The following NRXN2 variants were observed in gnomAD, a reference collection of about 807,000 sequenced individuals.
The protein encoded by NRXN2 is neurexin 2.
Under a neutral mutation model 128.8 loss-of-function variants are expected in NRXN2, and 29 were observed. The ratio of observed to expected loss-of-function variants is 0.23; its 90% CI spans 0.17 to 0.31. The LOEUF (loss-of-function observed/expected upper bound fraction) is 0.31, where lower values mean the gene tolerates loss of function less well. Among genes scored for constraint, NRXN2 ranks in the 10% least tolerant of loss-of-function variants. The pLI is 1.00. For synonymous variants in NRXN2, 1,098 were observed against 1,075.2 expected (o/e 1.02, Z -0.41); for missense variants, 1,881 against 2,452.6 (o/e 0.77, Z 4.92).
At chr11:64,621,304 A>G (rs1350268030) in intron 21 of NRXN2, among the ~76,000 whole-genome samples, 1 of 151,928 alleles carries the variant, frequency 6.6e-6, no homozygotes, top group Non-Finnish European at 1.5e-5. Flanking sequence ...TCTCTCTTCC[A>G]CCAGGATGAT....
At chr11:64,665,269 G>A (rs2049672346) in intron 9 of NRXN2, among the ~76,000 whole-genome samples, 1 of 150,294 alleles carries the variant, frequency 6.7e-6, no homozygotes, top group African/African-American at 2.5e-5. Context: ...GACAGAGCAA[G>A]ACTCCATCTC....
intron 5 of NRXN2, chr11:64,688,921 T>C: frequency 1.0e-5 from 5 of 493,664 alleles, no homozygotes; most frequent in Non-Finnish European, 1.3e-5. Flanking sequence ...CACTTGGCAC[T>C]TACTGCCTAA....
rs765238870 is a variant in NRXN2, at chr11:64,713,373, G to A, written c.327C>T (p.Asp109=). ...TCAGCAGCACCATGTGCCAGCGGTC[G>A]TCGGCCACCGGCGTGTCCAGCTGCA... ...ATLQLDTPVA[D]DRWHMVLLTR... is the part of the protein sequence containing the mutation. The change falls in exon 2 of 23, where the codon GAC becomes GAT. Residue 109 remains aspartate, a synonymous_variant. Coordinates refer to ENST00000265459, the MANE Select transcript of NRXN2 (RefSeq NM_015080.4). The A allele has an allele frequency of 1.4e-5, 20 of 1,446,004 alleles. No homozygotes were observed. The East Asian group carries it at 4.9e-4, about 35-fold the overall frequency. The allele number at this position is 1,446,004 out of a possible 1,614,324, so 89.6% of individuals were successfully genotyped here.
At chr11:64,621,164 A>C (rs1037635898) in intron 21 of NRXN2, among the ~76,000 whole-genome samples, 1 of 152,124 alleles carries the variant, frequency 6.6e-6, no homozygotes, top group Non-Finnish European at 1.5e-5. Context: ...CTTCAGACTC[A>C]ACAGCCCTCA....
At chr11:64,701,776 G>A (rs191222479) in intron 2 of NRXN2, among the ~76,000 whole-genome samples, 1 of 151,996 alleles carries the variant, frequency 6.6e-6, no homozygotes, top group Non-Finnish European at 1.5e-5. Context: ...GGGGGGAAGT[G>A]GGGGGATCAG....
intron 3 of NRXN2, among the ~76,000 whole-genome samples, chr11:64,696,528 T>TAC (rs58158687): frequency 0.54 from 74,833 of 138,630 alleles, 21,463 homozygotes; most frequent in Middle Eastern, 0.69. Flanking sequence ...CATACATACA[T>TAC]ACACACACAC....
intron 2 of NRXN2, among the ~76,000 whole-genome samples, chr11:64,711,531 C>A (rs954052904): frequency 6.6e-6 from 1 of 152,074 alleles, no homozygotes; most frequent in Non-Finnish European, 1.5e-5. Flanking sequence ...GCCGCTCAGC[C>A]CAGGACCCGC....
At chr11:64,608,705 CCTCA>C (rs759468613) in intron 22 of NRXN2, among the ~76,000 whole-genome samples, 9 of 152,118 alleles carry the variant, frequency 5.9e-5, no homozygotes, top group Non-Finnish European at 1.2e-4. Flanking sequence ...TATCTCCCTC[CCTCA>C]CTCTCTGCTC....
intron 2 of NRXN2, among the ~76,000 whole-genome samples, chr11:64,711,804 G>A (rs1460178143): frequency 6.6e-6 from 1 of 152,180 alleles, no homozygotes; most frequent in Non-Finnish European, 1.5e-5. Context: ...TCCTCGTCAA[G>A]AGCCTGAGAA....
chr11:64,608,451 A>AAT (rs2040066394), intron 22 of NRXN2, among the ~76,000 whole-genome samples: 1 of 151,648 alleles, frequency 6.6e-6, no homozygotes, highest in African/African-American at 2.4e-5. Flanking sequence ...ACCTAACAAC[A>AAT]ATATCTTTTA....
At chr11:64,697,071 G>A (rs1191552084) in intron 3 of NRXN2, among the ~76,000 whole-genome samples, 1 of 152,034 alleles carries the variant, frequency 6.6e-6, no homozygotes, top group African/African-American at 2.4e-5. Flanking sequence ...CAACAAAACA[G>A]GAGATAAAGA....
At chr11:64,639,651 G>A (rs1300607233) in intron 17 of NRXN2, among the ~76,000 whole-genome samples, 2 of 152,200 alleles carry the variant, frequency 1.3e-5, no homozygotes, top group South Asian at 2.1e-4. Flanking sequence ...GTGGCAATGG[G>A]TGTCTGGCAG....
At position 64,660,114 on chromosome 11, in the gene NRXN2, TCA is replaced by T. The variant is rs1358405729; in HGVS notation, c.2389+216_2389+217del. On this transcript the variant is annotated intron_variant, in intron 11 of 22. Transcript: ENST00000265459. This position sits in a 1 kb window ranked among gnomAD's most constrained non-coding sequence, Gnocchi z 5.2. ...CCCCAGATACTCTGGGTCTTGCCCC[TCA>T]CAGTGTCGTCGAGCATGGAATGTCG... is the stretch of plus-strand genomic sequence containing the variant. 6.6e-6 allele frequency among the ~76,000 whole-genome samples: 1 copy of T among 152,152 alleles called. No homozygotes were observed. Among genetic ancestry groups the T allele is most frequent in the East Asian group, 1.9e-4 (1 of 5,188 alleles).
chr11:64,657,280 T>A (rs2048407682), intron 11 of NRXN2, among the ~76,000 whole-genome samples: 1 of 152,074 alleles, frequency 6.6e-6, no homozygotes, highest in Non-Finnish European at 1.5e-5. Flanking sequence ...CTGAAGGAGG[T>A]GACGCCTTGT....
rs907578083 is a variant in NRXN2, at chr11:64,651,126, G to A, written c.2918+129C>T. 21 of 1,294,032 alleles carry A rather than the reference G, an allele frequency of 1.6e-5. No homozygotes were observed. Among genetic ancestry groups the A allele is most frequent in the Non-Finnish European group, 1.9e-5 (17 of 909,288 alleles). 80.2% of individuals were successfully genotyped at this position (1,294,032 alleles called of 1,614,324 possible). ...AGAGGGAGCCTCTCGACTTACGGTCGGGGACCTGAATCTTGACTTGTGATC... is the reference window on the plus strand; with the variant it reads ...AGAGGGAGCCTCTCGACTTACGGTCAGGGACCTGAATCTTGACTTGTGATC... On this transcript the variant is annotated intron_variant, in intron 14 of 22. Coordinates refer to ENST00000265459, the MANE Select transcript of NRXN2 (RefSeq NM_015080.4). The surrounding 1 kb of genome is among the most constrained non-coding windows in gnomAD (Gnocchi z 5.9).
At chr11:64,715,611 G>T (rs1389347017) in intron 1 of NRXN2, among the ~76,000 whole-genome samples, 1 of 152,102 alleles carries the variant, frequency 6.6e-6, no homozygotes, top group Non-Finnish European at 1.5e-5. Context: ...AGCGTTGGGG[G>T]AGCCATCTCC....
chr11:64,688,819 T>TC, intron 5 of NRXN2: 1 of 985,300 alleles, frequency 1.0e-6, no homozygotes, highest in Non-Finnish European at 1.2e-6. Flanking sequence ...CTGCCTTCTT[T>TC]CCAGGCCCAG....
intron 2 of NRXN2, chr11:64,712,713 A>T: frequency 1.6e-6 from 1 of 643,590 alleles, no homozygotes; most frequent in South Asian, 1.5e-5. Context: ...CTGACCACAC[A>T]GGCTGCCCAC....
chr11:64,624,245 T>C (rs1364799533), intron 20 of NRXN2, among the ~76,000 whole-genome samples: 4 of 152,224 alleles, frequency 2.6e-5, no homozygotes, highest in African/African-American at 9.6e-5. Context: ...ACAGTCCAAC[T>C]TGTGAAGCCC....
Sources: gnomAD v4.1 joint callset for allele counts (sites outside exome capture counted in the v4.1 genomes callset) on GRCh38, gnomAD v4.1.1 for gene constraint, Gnocchi (gnomAD v3.1) non-coding constraint, MANE v1.5 for transcripts, NCBI Gene and HGNC (gene_info 2026-07-23, HGNC 2026-07-21) for gene names.